Variants in DCDC1 observed in about 807,000 individuals in gnomAD.
DCDC1 encodes the protein doublecortin domain-containing protein 1.
In DCDC1, 200 loss-of-function variants were observed where a neutral mutation model predicts 178.3. The ratio of observed to expected loss-of-function variants is 1.12; its 90% CI spans 1.00 to 1.26. The LOEUF (loss-of-function observed/expected upper bound fraction) is 1.26. DCDC1 is among the 50% of genes most tolerant of loss of function. The pLI, the probability that DCDC1 is intolerant of heterozygous loss-of-function variation, is 0.00. For synonymous variants in DCDC1, 690 were observed against 604.8 expected (o/e 1.14, Z -2.07); for missense variants, 1,983 against 1,749.2 (o/e 1.13, Z -2.38).
chr11:30,955,176 C>T (rs976590210), intron 20 of DCDC1, among the ~76,000 whole-genome samples: 3 of 152,140 alleles, frequency 2.0e-5, no homozygotes, highest in East Asian at 1.9e-4. Flanking sequence ...CTCATTCACA[C>T]GTCAATATCT....
intron 1 of DCDC1, among the ~76,000 whole-genome samples, chr11:31,352,489 C>T (rs2133307779): frequency 6.6e-6 from 1 of 152,236 alleles, no homozygotes; most frequent in South Asian, 2.1e-4. Context: ...AACGTAAGAG[C>T]TTTCGACTAT....
At chr11:30,937,490 A>G (rs771869419) in intron 21 of DCDC1, among the ~76,000 whole-genome samples, 7 of 152,106 alleles carry the variant, frequency 4.6e-5, no homozygotes, top group Non-Finnish European at 8.8e-5. Flanking sequence ...CACTTGTAAC[A>G]TCCACTCATA....
At chr11:31,305,843 A>G in intron 5 of DCDC1, 66 bp from the exon 6 acceptor site, 1 of 1,551,142 alleles carries the variant, frequency 6.4e-7, no homozygotes, top group Admixed American at 1.9e-5. Context: ...TTCCCTCAAA[A>G]CAAAAGGTTC....
chr11:31,099,685 A>G (rs773560259), intron 15 of DCDC1, among the ~76,000 whole-genome samples: 4 of 151,762 alleles, frequency 2.6e-5, no homozygotes, highest in Non-Finnish European at 5.9e-5. Flanking sequence ...ATAGGGCTAC[A>G]ATGATGGGCA....
At chr11:31,054,188 C>G (rs1052399141) in intron 20 of DCDC1, among the ~76,000 whole-genome samples, 3 of 146,028 alleles carry the variant, frequency 2.1e-5, no homozygotes, top group African/African-American at 7.6e-5. Context: ...AGTGACCAAG[C>G]AGAGAATCAA....
At chr11:30,953,982 A>G in intron 20 of DCDC1, among the ~76,000 whole-genome samples, 1 of 149,032 alleles carries the variant, frequency 6.7e-6, no homozygotes, top group East Asian at 2.0e-4. Context: ...TTATGCATGT[A>G]TATATTAATA....
chr11:30,996,333 T>C (rs969650149), intron 20 of DCDC1, among the ~76,000 whole-genome samples: 1 of 152,174 alleles, frequency 6.6e-6, no homozygotes, highest in Non-Finnish European at 1.5e-5. Context: ...TCATTCATTT[T>C]TGATGAGAAT....
chr11:31,240,884 G>A (rs1166877933), intron 9 of DCDC1, among the ~76,000 whole-genome samples: 3 of 151,866 alleles, frequency 2.0e-5, no homozygotes, highest in Non-Finnish European at 1.5e-5. Flanking sequence ...ATACAAACAT[G>A]AAATAAATAC....
chr11:30,963,349 G>T (rs1949230893), intron 20 of DCDC1, among the ~76,000 whole-genome samples: 1 of 152,050 alleles, frequency 6.6e-6, no homozygotes, highest in Admixed American at 6.6e-5. Flanking sequence ...AACTAATTTT[G>T]CTTAAAGTGC....
chr11:31,339,300 G>T (rs567257970), intron 1 of DCDC1, among the ~76,000 whole-genome samples: 1 of 152,082 alleles, frequency 6.6e-6, no homozygotes, highest in Non-Finnish European at 1.5e-5. Flanking sequence ...AAGTCATAAG[G>T]GTGGACTCTT....
At chr11:31,197,627 T>G (rs763817694) in intron 9 of DCDC1, among the ~76,000 whole-genome samples, 4 of 152,098 alleles carry the variant, frequency 2.6e-5, no homozygotes, top group Non-Finnish European at 4.4e-5. Flanking sequence ...CCATGCAAAC[T>G]GAATCCTTCT....
At chr11:30,998,647 T>C (rs937798364) in intron 20 of DCDC1, among the ~76,000 whole-genome samples, 1 of 152,172 alleles carries the variant, frequency 6.6e-6, no homozygotes, top group Non-Finnish European at 1.5e-5. Flanking sequence ...GAATGCTAAA[T>C]TAGTGGGCAG....
At chr11:31,276,510 T>A (rs1034237973) in intron 7 of DCDC1, among the ~76,000 whole-genome samples, 14 of 152,074 alleles carry the variant, frequency 9.2e-5, no homozygotes, top group Non-Finnish European at 1.6e-4. Context: ...TGTCAAATAG[T>A]TTATGAATTT....
Position 31,250,421 on chromosome 11 carries a change from C to CATATATATATATATATATAT in DCDC1, c.1055-8806_1055-8805insATATATATATATATATATAT. ...ACACACACACACACACACACATATACATATATATGTATATATATATATATC... is the reference window on the plus strand; with the variant it reads ...ACACACACACACACACACACATATACATATATATATATATATATATATATATATGTATATATATATATATC... On this transcript the variant is annotated intron_variant, in intron 8 of 38. Transcript: ENST00000684477. 2.1e-4 allele frequency among the ~76,000 whole-genome samples: 11 copies of CATATATATATATATATATAT among 52,934 alleles called. 1 individual carries two copies. The highest frequency in any genetic ancestry group is 8.7e-4 in the South Asian group (1 of 1,148). 34.7% of individuals were successfully genotyped at this position (52,934 alleles called of 152,430 possible).
At chr11:31,048,616 G>A (rs1955020937) in intron 20 of DCDC1, among the ~76,000 whole-genome samples, 1 of 152,156 alleles carries the variant, frequency 6.6e-6, no homozygotes, top group African/African-American at 2.4e-5. Context: ...CACTTGGAGA[G>A]GCCAAGGTGG....
intron 36 of DCDC1, among the ~76,000 whole-genome samples, chr11:30,881,733 A>C (rs2133977994): frequency 6.6e-6 from 1 of 152,286 alleles, no homozygotes; most frequent in East Asian, 1.9e-4. Context: ...TTGCTTCAAA[A>C]GAGTCTCCTC....
intron 1 of DCDC1, among the ~76,000 whole-genome samples, chr11:31,348,537 T>C (rs1249752930): frequency 6.6e-6 from 1 of 152,122 alleles, no homozygotes; most frequent in Non-Finnish European, 1.5e-5. Flanking sequence ...AATACCTTAT[T>C]TTCTGCCACT....
intron 21 of DCDC1, among the ~76,000 whole-genome samples, chr11:30,945,468 T>G (rs1001365958): frequency 3.3e-5 from 5 of 151,686 alleles, no homozygotes. Context: ...CCGAGGTGGG[T>G]GGATCACTTG....
chr11:31,301,502 G>C lies in DCDC1; in HGVS notation c.754+4113C>G, dbSNP rs1029189414. On this transcript the variant is annotated intron_variant, in intron 6 of 38. Transcript: ENST00000684477. Reference sequence around the variant, plus strand: ...AGTAGTGGGTCACCTATTGAAATTTGTGCTTTTAACATAACAATTTAAAAA... The same window carrying C: ...AGTAGTGGGTCACCTATTGAAATTTCTGCTTTTAACATAACAATTTAAAAA... 2.6e-5 allele frequency among the ~76,000 whole-genome samples: 4 copies of C among 152,122 alleles called. No individual in the cohort carries two copies. The East Asian group carries it at 5.8e-4, about 22-fold the overall frequency.
Sources: allele counts gnomAD v4.1 joint callset (sites outside exome capture counted in the v4.1 genomes callset), GRCh38; gene constraint gnomAD v4.1.1; transcripts MANE v1.5; gene names NCBI Gene and HGNC (gene_info 2026-07-23, HGNC 2026-07-21).